The following CDH18 variants were observed in gnomAD, a reference collection of about 807,000 sequenced individuals.
CDH18 encodes cadherin 18, also known as cadherin-18.
CDH18 carries 31 observed loss-of-function variants against 67.9 expected under a neutral mutation model. That is an observed-to-expected ratio of 0.46 (90% CI 0.34 to 0.62). The LOEUF is 0.62. CDH18 is among the 20% of genes least tolerant of loss of function. The pLI is 0.01. For missense variants in CDH18, 890 were observed against 975.5 expected (o/e 0.91, Z 1.17); for synonymous variants, 362 against 347.2 (o/e 1.04, Z -0.48).
intron 2 of CDH18, among the ~76,000 whole-genome samples, chr5:19,953,401 T>G (rs932855929): frequency 6.6e-6 from 1 of 152,064 alleles, no homozygotes. Context: ...GTTTCTGTTA[T>G]GTTGACTGAT....
chr5:19,717,430 T>G (rs546557711), intron 5 of CDH18, among the ~76,000 whole-genome samples: 1 of 152,108 alleles, frequency 6.6e-6, no homozygotes, highest in Non-Finnish European at 1.5e-5. Context: ...ATTCTGTTTC[T>G]AAGGCCCTGG....
intron 2 of CDH18, among the ~76,000 whole-genome samples, chr5:20,027,607 A>C (rs1739024853): frequency 2.0e-5 from 3 of 152,220 alleles, no homozygotes; most frequent in Admixed American, 6.5e-5. Flanking sequence ...TAGGAGGGAA[A>C]GCAGCTCTGA....
chr5:20,546,665 A>G (rs1028082046), intron 1 of CDH18, among the ~76,000 whole-genome samples: 1 of 152,052 alleles, frequency 6.6e-6, no homozygotes, highest in Admixed American at 6.6e-5. Flanking sequence ...ATCCCATCAC[A>G]TCCCTCCCTG....
At chr5:20,358,794 C>G (rs1379017357) in intron 1 of CDH18, among the ~76,000 whole-genome samples, 1 of 151,806 alleles carries the variant, frequency 6.6e-6, no homozygotes, top group Admixed American at 6.6e-5. Flanking sequence ...TAAAGCAAAA[C>G]AAAAAACAAA....
intron 8 of CDH18, among the ~76,000 whole-genome samples, chr5:19,553,975 G>T (rs1401683832): frequency 3.9e-5 from 6 of 152,006 alleles, no homozygotes; most frequent in African/African-American, 1.4e-4. Context: ...CGCACCTGAA[G>T]TATAGCTTAG....
intron 1 of CDH18, among the ~76,000 whole-genome samples, chr5:20,295,577 A>C (rs1747426063): frequency 1.3e-5 from 2 of 151,818 alleles, no homozygotes; most frequent in South Asian, 4.2e-4. Context: ...AAATACAAAA[A>C]TTAGTTGGGC....
At chr5:20,125,683 T>G (rs888779907) in intron 2 of CDH18, among the ~76,000 whole-genome samples, 11 of 152,220 alleles carry the variant, frequency 7.2e-5, no homozygotes, top group African/African-American at 2.7e-4. Flanking sequence ...TTTATATGAC[T>G]GCATATGACA....
chr5:20,086,957 C>T (rs1745008473), intron 2 of CDH18, among the ~76,000 whole-genome samples: 1 of 152,076 alleles, frequency 6.6e-6, no homozygotes, highest in African/African-American at 2.4e-5. Flanking sequence ...GCTATAGCTG[C>T]CATAAATACT....
intron 2 of CDH18, among the ~76,000 whole-genome samples, chr5:19,900,658 T>C (rs891220376): frequency 1.3e-5 from 2 of 152,140 alleles, no homozygotes; most frequent in Non-Finnish European, 2.9e-5. Context: ...ATGGTATAAT[T>C]CCACTTACAT....
Position 19,721,359 on chromosome 5 carries a change from C to T in CDH18, c.631G>A (p.Asp211Asn), listed in dbSNP as rs1434063547. 1.2e-5 allele frequency: 20 copies of T among 1,602,404 alleles called. No individual in the cohort carries two copies. In the East Asian group the frequency reaches 2.2e-4, roughly 18 times the overall value. Residue 211 changes from aspartate (D) to asparagine (N), a missense_variant, in exon 5 of 13, where the codon GAC becomes AAC. Asp to Asn is a conservative substitution (Grantham distance 23). This residue lies in a region of CDH18 where 234 missense variants were observed against 307.4 expected (regional missense o/e 0.76). Coordinates refer to ENST00000382275, the MANE Select transcript of CDH18 (RefSeq NM_004934.5). ...TAAATGCACTAACCTGTTTTAGGGT[C>T]GACGGAGAAGTAGGGTTGTCCTTGG... is the stretch of plus-strand genomic sequence containing the variant. The part of the protein sequence containing the change: ...ILQGQPYFSV[D>N]PKTGVIRTAL...
At chr5:20,041,501 G>A (rs975809902) in intron 2 of CDH18, among the ~76,000 whole-genome samples, 1 of 152,108 alleles carries the variant, frequency 6.6e-6, no homozygotes. Context: ...TTTTTGAAAT[G>A]ATTAAACATT....
chr5:19,766,667 C>G (rs1773128057), intron 3 of CDH18, among the ~76,000 whole-genome samples: 1 of 152,168 alleles, frequency 6.6e-6, no homozygotes, highest in African/African-American at 2.4e-5. Flanking sequence ...CTCACAGAAT[C>G]ATTTGGCTCA....
chr5:19,817,167 G>A (rs1779377968), intron 3 of CDH18, among the ~76,000 whole-genome samples: 1 of 151,712 alleles, frequency 6.6e-6, no homozygotes, highest in African/African-American at 2.4e-5. Flanking sequence ...AAAGTACACG[G>A]GGATATCTTT....
intron 2 of CDH18, among the ~76,000 whole-genome samples, chr5:20,114,855 T>G (rs1747756616): frequency 6.6e-6 from 1 of 151,962 alleles, no homozygotes; most frequent in African/African-American, 2.4e-5. Flanking sequence ...TGCAAGAAAT[T>G]AAGAATATAA....
chr5:20,532,891 CTCT>C (rs1312862273), intron 1 of CDH18, among the ~76,000 whole-genome samples: 3 of 150,584 alleles, frequency 2.0e-5, no homozygotes, highest in African/African-American at 7.4e-5. Context: ...GTTTCATAAA[CTCT>C]TTTTTTTTTT....
At chr5:20,082,861 G>T (rs1744600413) in intron 2 of CDH18, among the ~76,000 whole-genome samples, 1 of 152,132 alleles carries the variant, frequency 6.6e-6, no homozygotes, top group Non-Finnish European at 1.5e-5. Flanking sequence ...TTAGACAAGA[G>T]GCATGGAACA....
chr5:20,104,900 C>G (rs1580253245), intron 2 of CDH18, among the ~76,000 whole-genome samples: 1 of 152,124 alleles, frequency 6.6e-6, no homozygotes. Flanking sequence ...ATTTATTGCT[C>G]TATTGAATTT....
chr5:19,579,786 C>T (rs139784711), intron 7 of CDH18, among the ~76,000 whole-genome samples: 31 of 151,882 alleles, frequency 2.0e-4, no homozygotes, highest in Middle Eastern at 3.4e-3. Flanking sequence ...TGATAAACTA[C>T]TCTGATCCTG....
chr5:19,919,661 C>T (rs940031987), intron 2 of CDH18, among the ~76,000 whole-genome samples: 1 of 152,010 alleles, frequency 6.6e-6, no homozygotes, highest in Non-Finnish European at 1.5e-5. Flanking sequence ...TAGTAGAGGA[C>T]CACTTATACT....
Sources: gnomAD v4.1 joint callset for allele counts (sites outside exome capture counted in the v4.1 genomes callset) on GRCh38, gnomAD v4.1.1 for gene constraint, gnomAD v4.1.1 regional missense constraint, MANE v1.5 for transcripts, NCBI Gene and HGNC (gene_info 2026-07-23, HGNC 2026-07-21) for gene names.